The following HDAC4 variants were observed in gnomAD, a reference collection of about 807,000 sequenced individuals.
The protein encoded by HDAC4 is histone deacetylase A.
Under a neutral mutation model 135.1 loss-of-function variants are expected in HDAC4, and 16 were observed. The observed-to-expected ratio is 0.12, with a 90% CI of 0.08 to 0.18. HDAC4 has a LOEUF of 0.18. HDAC4 is among the 10% of genes least tolerant of loss of function. The probability of loss-of-function intolerance (pLI) is 1.00; values close to 1 mark genes in which losing one functional copy is unlikely to be tolerated. For missense variants in HDAC4, 1,143 were observed against 1,511.8 expected (o/e 0.76, Z 4.05); for synonymous variants, 685 against 653.4 (o/e 1.05, Z -0.74).
At chr2:239,219,089 T>C (rs2046805681) in intron 3 of HDAC4, among the ~76,000 whole-genome samples, 1 of 141,792 alleles carries the variant, frequency 7.1e-6, no homozygotes, top group Non-Finnish European at 1.5e-5. Flanking sequence ...GAACTAGAAA[T>C]ACCATTTGAC....
Position 239,068,459 on chromosome 2 carries a change from G to A in HDAC4, c.2869+30C>T, listed in dbSNP as rs763578819. On this transcript the variant is annotated intron_variant, in intron 23 of 26. Transcript: ENST00000543185. This position sits in a 1 kb window ranked among gnomAD's most constrained non-coding sequence, Gnocchi z 4.4. Reference sequence around the variant, plus strand: ...GCGGATCATGGACATGAGCAGAACCGGCTCCTCAGTCATATGCAGAACCAC... The same window carrying A: ...GCGGATCATGGACATGAGCAGAACCAGCTCCTCAGTCATATGCAGAACCAC... 13 of 1,472,196 alleles carry A rather than the reference G, an allele frequency of 8.8e-6. No individual in the cohort carries two copies. Among genetic ancestry groups the A allele is most frequent in the Middle Eastern group, 1.7e-4 (1 of 5,796 alleles). The allele number at this position is 1,472,196 out of a possible 1,614,324, so 91.2% of individuals were successfully genotyped here.
At chr2:239,267,760 C>T (rs2049829022) in intron 2 of HDAC4, among the ~76,000 whole-genome samples, 1 of 152,270 alleles carries the variant, frequency 6.6e-6, no homozygotes, top group South Asian at 2.1e-4. Context: ...TGGGGCAGGT[C>T]CTCTGCATCC....
intron 2 of HDAC4, among the ~76,000 whole-genome samples, chr2:239,287,442 A>G (rs1358588995): frequency 6.6e-6 from 1 of 152,232 alleles, no homozygotes; most frequent in Admixed American, 6.5e-5. Flanking sequence ...ACCTCCTTAC[A>G]TCATCTCAAA....
intron 7 of HDAC4, among the ~76,000 whole-genome samples, chr2:239,155,932 G>T (rs2042397158): frequency 6.6e-6 from 1 of 152,140 alleles, no homozygotes. Flanking sequence ...GCACTCCCTG[G>T]CCCCTGCCCT....
chr2:239,094,580 C>A, intron 17 of HDAC4: 1 of 1,121,184 alleles, frequency 8.9e-7, no homozygotes, highest in South Asian at 2.2e-5. Flanking sequence ...TCCACGTGGC[C>A]CATGAGTATC....
chr2:239,095,778 A>C (rs1406188397), intron 16 of HDAC4, among the ~76,000 whole-genome samples: 1 of 152,146 alleles, frequency 6.6e-6, no homozygotes, highest in Non-Finnish European at 1.5e-5. Flanking sequence ...TGCTGGCTGA[A>C]TGCACGTCAC....
At chr2:239,080,342 G>A (rs1161514816) in intron 22 of HDAC4, among the ~76,000 whole-genome samples, 1 of 152,252 alleles carries the variant, frequency 6.6e-6, no homozygotes, top group East Asian at 1.9e-4. Flanking sequence ...CAGAGACACG[G>A]CATGTCAGGC....
At chr2:239,335,508 CAAAAAA>C (rs61007856) in intron 2 of HDAC4, among the ~76,000 whole-genome samples, 2 of 59,378 alleles carry the variant, frequency 3.4e-5, no homozygotes, top group Non-Finnish European at 7.4e-5. Flanking sequence ...ATCTGTTCAG[CAAAAAA>C]AAAAAAAAAA....
intron 2 of HDAC4, among the ~76,000 whole-genome samples, chr2:239,291,845 G>C (rs1419860112): frequency 6.6e-6 from 1 of 152,190 alleles, no homozygotes. Context: ...GTCCCAGCTA[G>C]CTGGGCCTTC....
intron 24 of HDAC4, among the ~76,000 whole-genome samples, chr2:239,064,209 T>C (rs574329901): frequency 6.6e-6 from 1 of 152,382 alleles, no homozygotes; most frequent in South Asian, 2.1e-4. Context: ...GCTGGTGTGC[T>C]TGGCCTTCAG....
chr2:239,381,408 T>C (rs1402245293), intron 1 of HDAC4, among the ~76,000 whole-genome samples: 1 of 152,110 alleles, frequency 6.6e-6, no homozygotes, highest in East Asian at 1.9e-4. Flanking sequence ...ATTTTTCAAA[T>C]CTGAAAGAGA....
chr2:239,298,034 G>A (rs577076974), intron 2 of HDAC4: 5 of 432,702 alleles, frequency 1.2e-5, no homozygotes, highest in Non-Finnish European at 2.2e-5. Flanking sequence ...AAAAAAGGCA[G>A]GAATTAGCAC....
intron 2 of HDAC4, among the ~76,000 whole-genome samples, chr2:239,267,233 C>A (rs929100701): frequency 6.6e-6 from 1 of 152,224 alleles, no homozygotes; most frequent in African/African-American, 2.4e-5. Context: ...ACAGAAAGTT[C>A]CCATCCACTG....
intron 3 of HDAC4, among the ~76,000 whole-genome samples, chr2:239,222,580 T>C (rs1347072939): frequency 6.9e-6 from 1 of 145,060 alleles, no homozygotes; most frequent in Non-Finnish European, 1.5e-5. Context: ...TAAGTTCTCA[T>C]ACAGAAGCGC....
chr2:239,356,617 G>A (rs1401256196), intron 1 of HDAC4, among the ~76,000 whole-genome samples: 1 of 152,160 alleles, frequency 6.6e-6, no homozygotes, highest in East Asian at 1.9e-4. Context: ...ATGGTTATAT[G>A]TATATCAAAG....
At position 239,235,219 on chromosome 2, in the gene HDAC4, C is replaced by T. The variant is rs115973223; in HGVS notation, c.94+1374G>A. 6.5e-3 allele frequency among the ~76,000 whole-genome samples: 983 copies of T among 152,226 alleles called. 20 individuals carry two copies. The East Asian group carries it at 0.073, about 11-fold the overall frequency. On this transcript the variant is annotated intron_variant, in intron 3 of 26. Transcript: ENST00000543185. ...AACACCCCCCAAGAGGCCAGGGGAC[C>T]GTACCCCACAGACACAGAGAGCCTT...
At chr2:239,162,412 C>T (rs560665610) in intron 6 of HDAC4, 21 of 448,808 alleles carry the variant, frequency 4.7e-5, no homozygotes, top group Non-Finnish European at 8.6e-5. Context: ...GATCCACACT[C>T]CTGTCCCTTG....
In HDAC4 at chr2:239,107,789, C is replaced by T. The variant is rs1233602796; in HGVS notation, c.2112+261G>A. Among the ~76,000 whole-genome samples, 9 of 152,166 alleles carry T rather than the reference C, an allele frequency of 5.9e-5. No individual in the cohort carries two copies. In the South Asian group the frequency reaches 6.2e-4, roughly 11 times the overall value. ...GAGCCTGCTAGGTGGGAGGTGGGAG[C>T]GAAACATCAGGAAAGGTCACAGACA... On this transcript the variant is annotated intron_variant, in intron 15 of 26. Coordinates refer to ENST00000543185, the MANE Select transcript of HDAC4 (RefSeq NM_001378414.1).
chr2:239,372,481 C>T (rs1229432025), intron 1 of HDAC4, among the ~76,000 whole-genome samples: 1 of 152,236 alleles, frequency 6.6e-6, no homozygotes, highest in African/African-American at 2.4e-5. Context: ...GCTGGGCTCC[C>T]GCGCACACAC....
Sources: allele counts gnomAD v4.1 joint callset (sites outside exome capture counted in the v4.1 genomes callset), GRCh38; gene constraint gnomAD v4.1.1; non-coding constraint Gnocchi (gnomAD v3.1); transcripts MANE v1.5; gene names NCBI Gene and HGNC (gene_info 2026-07-23, HGNC 2026-07-21).